The following DENND1A variants were observed in gnomAD, a reference collection of about 807,000 sequenced individuals.
DENND1A encodes the protein DENN domain-containing protein 1A.
In DENND1A, 51 loss-of-function variants were observed where a neutral mutation model predicts 113.7. The ratio of observed to expected loss-of-function variants is 0.45; its 90% confidence interval spans 0.36 to 0.57. The LOEUF is 0.57. Ranked by LOEUF, DENND1A falls within the 20% of genes least tolerant of loss-of-function variation. DENND1A has a pLI of 0.00. For missense variants in DENND1A, 1,258 were observed against 1,395.9 expected (o/e 0.90, Z 1.57); for synonymous variants, 565 against 570.8 (o/e 0.99, Z 0.14).
At chr9:123,617,827 C>T (rs965578507) in intron 10 of DENND1A, among the ~76,000 whole-genome samples, 7 of 151,684 alleles carry the variant, frequency 4.6e-5, no homozygotes, top group Non-Finnish European at 7.4e-5. Flanking sequence ...CACAAGCAGC[C>T]CATGAGAGCC....
intron 13 of DENND1A, among the ~76,000 whole-genome samples, chr9:123,550,352 T>A (rs2056964143): frequency 6.6e-6 from 1 of 152,224 alleles, no homozygotes; most frequent in Admixed American, 6.5e-5. Flanking sequence ...AGCTAGCAGG[T>A]TGGCCCAGAG....
chr9:123,887,646 G>C (rs1180210693), intron 1 of DENND1A, among the ~76,000 whole-genome samples: 2 of 151,628 alleles, frequency 1.3e-5, no homozygotes, highest in African/African-American at 4.8e-5. Context: ...GGTAGGAGGA[G>C]GCTTCCCAGA....
chr9:123,767,653 T>G (rs767681446), intron 4 of DENND1A, among the ~76,000 whole-genome samples: 1 of 152,168 alleles, frequency 6.6e-6, no homozygotes, highest in Non-Finnish European at 1.5e-5. Flanking sequence ...TCAGTGTGTG[T>G]ATGTGTGTAT....
intron 10 of DENND1A, among the ~76,000 whole-genome samples, chr9:123,610,576 C>T (rs943273179): frequency 1.3e-5 from 2 of 152,122 alleles, no homozygotes; most frequent in African/African-American, 4.8e-5. Context: ...CAAGGGATAG[C>T]GAGGAAGGGT....
At chr9:123,450,639 G>A (rs2047650655) in intron 18 of DENND1A, 54 bp downstream of exon 18, 1 of 1,435,500 alleles carries the variant, frequency 7.0e-7, no homozygotes, top group Non-Finnish European at 9.7e-7. Context: ...ACTTTTTTGT[G>A]GCCATGCATT....
chr9:123,914,752 T>G (rs1384027896), intron 1 of DENND1A, among the ~76,000 whole-genome samples: 1 of 151,650 alleles, frequency 6.6e-6, no homozygotes, highest in Non-Finnish European at 1.5e-5. Context: ...GGAGCCACAC[T>G]CTTTTAAACA....
At chr9:123,855,771 C>T (rs900780144) in intron 2 of DENND1A, among the ~76,000 whole-genome samples, 2 of 152,184 alleles carry the variant, frequency 1.3e-5, no homozygotes, top group Admixed American at 6.5e-5. Context: ...GGTGCGGCGG[C>T]TCACACCTGT....
intron 2 of DENND1A, among the ~76,000 whole-genome samples, chr9:123,862,221 A>G (rs926420905): frequency 3.3e-5 from 5 of 152,252 alleles, no homozygotes; most frequent in African/African-American, 1.2e-4. Context: ...ATGGGTTTCA[A>G]TGATGGTCCC....
intron 6 of DENND1A, among the ~76,000 whole-genome samples, chr9:123,674,018 G>A (rs979186087): frequency 4.6e-5 from 7 of 151,802 alleles, no homozygotes; most frequent in Non-Finnish European, 1.0e-4. Flanking sequence ...CAACACACCA[G>A]CACTGGGCCA....
intron 4 of DENND1A, among the ~76,000 whole-genome samples, chr9:123,767,818 C>T (rs999089577): frequency 2.0e-5 from 3 of 152,154 alleles, no homozygotes; most frequent in Admixed American, 6.5e-5. Flanking sequence ...TAAGAAACAC[C>T]TATCCAAAAC....
chr9:123,670,746 AC>A (rs2063725060), intron 7 of DENND1A, among the ~76,000 whole-genome samples: 1 of 152,248 alleles, frequency 6.6e-6, no homozygotes, highest in Admixed American at 6.5e-5. Flanking sequence ...ACTAAGTACC[AC>A]AAAGTGTGCA....
At chr9:123,677,474 C>T (rs2064154607) in intron 5 of DENND1A, among the ~76,000 whole-genome samples, 1 of 152,144 alleles carries the variant, frequency 6.6e-6, no homozygotes, top group Admixed American at 6.5e-5. Context: ...CACTCTGTCA[C>T]CCAGGCCGGA....
rs1256980283 is a variant in DENND1A, at chr9:123,381,514, T to C, written c.3131A>G (p.Gln1044Arg). ...PFEDLLQKTKQDVSPSPALAP... is the reference protein window; with the variant it reads ...PFEDLLQKTKRDVSPSPALAP... The stretch of plus-strand genomic sequence containing the variant: ...CAGGGCCGGACTCGGGCTCACGTCT[T>C]GCTTGGTTTTCTGTAACAAATCCTC... Residue 1044 changes from glutamine (Q) to arginine (R), a missense_variant, in exon 24 of 24, where the codon CAA becomes CGA. Physicochemically the swap from Gln to Arg is conservative, Grantham distance 43. Coordinates refer to ENST00000394215, the MANE Select transcript of DENND1A (RefSeq NM_001352964.2). This position sits in a 1 kb window ranked among gnomAD's most constrained non-coding sequence, Gnocchi z 4.7. 6.2e-7 allele frequency: 1 copy of C among 1,613,500 alleles called. No individual in the cohort carries two copies. Among genetic ancestry groups the C allele is most frequent in the Admixed American group, 1.7e-5 (1 of 60,002 alleles).
chr9:123,904,331 G>A (rs1186184090), intron 1 of DENND1A, among the ~76,000 whole-genome samples: 5 of 152,030 alleles, frequency 3.3e-5, no homozygotes, highest in African/African-American at 7.2e-5. Flanking sequence ...CCAAAGGAAC[G>A]CAGTTCCTCA....
chr9:123,423,119 G>C (rs896810592), intron 19 of DENND1A, among the ~76,000 whole-genome samples: 2 of 152,198 alleles, frequency 1.3e-5, no homozygotes, highest in Non-Finnish European at 2.9e-5. Flanking sequence ...CTTCTTCCAA[G>C]CTCCAGATGC....
At chr9:123,824,683 C>T (rs1049642725) in intron 2 of DENND1A, among the ~76,000 whole-genome samples, 40 of 152,184 alleles carry the variant, frequency 2.6e-4, no homozygotes, top group Admixed American at 8.5e-4. Context: ...CAGCATACCT[C>T]CCAATCTATA....
At chr9:123,856,071 C>A (rs1844141023) in intron 2 of DENND1A, among the ~76,000 whole-genome samples, 1 of 151,848 alleles carries the variant, frequency 6.6e-6, no homozygotes, top group African/African-American at 2.4e-5. Context: ...TGGCAGTAAT[C>A]CAAGAAAGAA....
chr9:123,856,288 A>G (rs1402916184), intron 2 of DENND1A, among the ~76,000 whole-genome samples: 1 of 152,156 alleles, frequency 6.6e-6, no homozygotes, highest in East Asian at 1.9e-4. Flanking sequence ...GGGCTTGCAC[A>G]ATATGGGGAC....
chr9:123,587,883 G>A (rs568523200), intron 11 of DENND1A, among the ~76,000 whole-genome samples: 14 of 152,208 alleles, frequency 9.2e-5, no homozygotes, highest in African/African-American at 2.4e-4. Context: ...TAATCCGATC[G>A]CTCAGACATC....
Sources: gnomAD v4.1 joint callset for allele counts (sites outside exome capture counted in the v4.1 genomes callset) on GRCh38, gnomAD v4.1.1 for gene constraint, Gnocchi (gnomAD v3.1) non-coding constraint, MANE v1.5 for transcripts, NCBI Gene and HGNC (gene_info 2026-07-23, HGNC 2026-07-21) for gene names.